COL11A1: variants seen among roughly 807,000 people sequenced by gnomAD.
COL11A1 encodes the protein collagen alpha-1(XI) chain.
A neutral mutation model predicts 265.2 loss-of-function variants in COL11A1; 74 were observed. That is an observed-to-expected ratio of 0.28 (90% CI 0.23 to 0.34). The LOEUF is 0.34. Ranked by LOEUF, COL11A1 falls within the 10% of genes least tolerant of loss-of-function variation. The pLI is 1.00. For synonymous variants in COL11A1, 816 were observed against 727.6 expected (o/e 1.12, Z -1.96); for missense variants, 2,165 against 2,263.6 (o/e 0.96, Z 0.88).
intron 63 of COL11A1, among the ~76,000 whole-genome samples, chr1:102,885,802 A>G (rs1932332): frequency 0.038 from 5,738 of 152,250 alleles, 156 homozygotes; most frequent in Non-Finnish European, 0.061. Context: ...TAAATCACTA[A>G]ACTAAATGTA....
At chr1:102,914,924 T>G in intron 50 of COL11A1, 113 bp from the exon 51 acceptor site, 1 of 830,818 alleles carries the variant, frequency 1.2e-6, no homozygotes, top group South Asian at 1.7e-5. Flanking sequence ...ATTTTTTTTT[T>G]AGACGGAATA....
At chr1:103,090,086 T>G (rs1359559447) in intron 1 of COL11A1, among the ~76,000 whole-genome samples, 1 of 152,006 alleles carries the variant, frequency 6.6e-6, no homozygotes, top group Non-Finnish European at 1.5e-5. Flanking sequence ...ATCACACCAC[T>G]GCACTCCAGC....
Position 102,877,786 on chromosome 1 carries a change from T to C in COL11A1, c.*233A>G, listed in dbSNP as rs925518284. The C allele has an allele frequency of 2.3e-5, 10 of 435,296 alleles. No homozygotes were observed. Among genetic ancestry groups the C allele is most frequent in the Non-Finnish European group, 4.1e-5 (10 of 241,484 alleles). The allele number at this position is 435,296 out of a possible 1,614,324, so 27.0% of individuals were successfully genotyped here. On this transcript the variant is annotated 3_prime_UTR_variant, in exon 67 of 67. Transcript: ENST00000370096. ...GAAAAGGAGAGTTGAGAATTGGGAA[T>C]CAAGAATCAGCCCTGTTTCCATCTT...
At chr1:103,106,680 T>G (rs995712174) in intron 1 of COL11A1, among the ~76,000 whole-genome samples, 5 of 152,206 alleles carry the variant, frequency 3.3e-5, no homozygotes, top group Non-Finnish European at 5.9e-5. Flanking sequence ...CCTTTCAAAA[T>G]TCAAATATAG....
At chr1:102,884,129 T>C (rs1259680547) in intron 63 of COL11A1, among the ~76,000 whole-genome samples, 1 of 152,108 alleles carries the variant, frequency 6.6e-6, no homozygotes, top group Non-Finnish European at 1.5e-5. Flanking sequence ...TACCCCAAAG[T>C]GAAAGCCGCT....
intron 6 of COL11A1, 31 bp downstream of exon 6, chr1:103,026,185 A>G (rs1298263147): frequency 1.4e-6 from 2 of 1,455,450 alleles, no homozygotes; most frequent in East Asian, 4.5e-5. Context: ...ACAGCAGGAC[A>G]CCACATACAC....
In COL11A1 at chr1:103,031,249, G is replaced by GAAAAAAAAAAA; in HGVS notation, c.652-16_652-6dup. ...CAAAAACTGCTGAATGTCCCCCTGG[G>GAAAAAAAAAAA]AAAAAAAAAAAAACAAAAACAAACA... On this transcript the variant is annotated splice_polypyrimidine_tract_variant and splice_region_variant and intron_variant, in intron 4 of 66. Transcript: ENST00000370096. 2 of 1,363,304 alleles carry GAAAAAAAAAAA rather than the reference G, an allele frequency of 1.5e-6. No homozygotes were observed. The highest frequency in any genetic ancestry group is 1.0e-6 in the Non-Finnish European group (1 of 996,628). 84.5% of individuals were successfully genotyped at this position (1,363,304 alleles called of 1,614,324 possible).
chr1:102,884,094 C>A (rs114475042), intron 63 of COL11A1, among the ~76,000 whole-genome samples: 2,120 of 152,250 alleles, frequency 0.014, 62 homozygotes, highest in African/African-American at 0.049. Context: ...TACTTTGCTT[C>A]CTTCTGTTGG....
At chr1:102,922,697 C>T (rs1486898594) in intron 47 of COL11A1, among the ~76,000 whole-genome samples, 1 of 152,148 alleles carries the variant, frequency 6.6e-6, no homozygotes, top group African/African-American at 2.4e-5. Flanking sequence ...CCGCTCCCGG[C>T]CAGCAAAGTT....
chr1:103,054,956 C>T (rs1304642472), intron 4 of COL11A1, among the ~76,000 whole-genome samples: 5 of 152,082 alleles, frequency 3.3e-5, no homozygotes, highest in Non-Finnish European at 5.9e-5. Context: ...AATACTGCAA[C>T]ACACAGATTA....
chr1:102,910,746 A>G (rs1654568326), intron 54 of COL11A1, among the ~76,000 whole-genome samples: 1 of 152,034 alleles, frequency 6.6e-6, no homozygotes, highest in Admixed American at 6.6e-5. Context: ...GTCCTCTGAG[A>G]AACAGAAAAT....
At chr1:102,907,054 A>T (rs938458412) in intron 54 of COL11A1, among the ~76,000 whole-genome samples, 2 of 152,096 alleles carry the variant, frequency 1.3e-5, no homozygotes, top group African/African-American at 4.8e-5. Flanking sequence ...TTGTTGCCAT[A>T]TTTTAAAAGA....
Position 103,034,597 on chromosome 1 carries a change from TG to T in COL11A1, c.652-3354del, listed in dbSNP as rs199952099. Reference sequence around the variant, plus strand: ...GGTAAGACAACATTGTCATACTTGCTGTTAGTTATTTAGTCATGTTTTTTAC... The same window carrying T: ...GGTAAGACAACATTGTCATACTTGCTTTAGTTATTTAGTCATGTTTTTTAC... On this transcript the variant is annotated intron_variant, in intron 4 of 66. Transcript: ENST00000370096. 3.3e-5 allele frequency among the ~76,000 whole-genome samples: 5 copies of T among 152,160 alleles called. No individual in the cohort carries two copies. The East Asian group carries it at 9.6e-4, about 29-fold the overall frequency.
At chr1:102,893,918 A>G (rs978437430) in intron 57 of COL11A1, among the ~76,000 whole-genome samples, 4 of 152,176 alleles carry the variant, frequency 2.6e-5, no homozygotes, top group Non-Finnish European at 2.9e-5. Flanking sequence ...TCAGTATCCC[A>G]TCCTATCTTT....
chr1:103,046,680 C>T (rs1405975098), intron 4 of COL11A1, among the ~76,000 whole-genome samples: 2 of 151,118 alleles, frequency 1.3e-5, no homozygotes, highest in African/African-American at 2.4e-5. Context: ...AGTCCTTGCC[C>T]GTGCCTATGT....
intron 41 of COL11A1, among the ~76,000 whole-genome samples, chr1:102,957,037 C>T (rs1022696711): frequency 3.3e-5 from 5 of 151,572 alleles, no homozygotes; most frequent in Non-Finnish European, 5.9e-5. Flanking sequence ...AAGCAATATC[C>T]CATATCTTCA....
intron 54 of COL11A1, among the ~76,000 whole-genome samples, chr1:102,908,348 T>A (rs1174782976): frequency 6.6e-6 from 1 of 152,132 alleles, no homozygotes; most frequent in Non-Finnish European, 1.5e-5. Context: ...TGTTCCAATG[T>A]CTTCTAAGTA....
intron 50 of COL11A1, among the ~76,000 whole-genome samples, chr1:102,915,238 C>T (rs966519047): frequency 6.6e-5 from 10 of 152,110 alleles, no homozygotes; most frequent in Non-Finnish European, 1.3e-4. Context: ...CAGATATTGT[C>T]AAATATTTCC....
intron 45 of COL11A1, 58 bp downstream of exon 45, chr1:102,935,002 C>G: frequency 6.5e-7 from 1 of 1,544,782 alleles, no homozygotes; most frequent in Non-Finnish European, 8.9e-7. Context: ...GGACAGTATA[C>G]AAATTTAATC....
Sources: allele counts gnomAD v4.1 joint callset (sites outside exome capture counted in the v4.1 genomes callset), GRCh38; gene constraint gnomAD v4.1.1; transcripts MANE v1.5; gene names NCBI Gene and HGNC (gene_info 2026-07-23, HGNC 2026-07-21).